Variants in MYO1D observed in about 807,000 individuals in gnomAD.
MYO1D encodes the protein myosin ID.
In MYO1D, 83 loss-of-function variants were observed where a neutral mutation model predicts 122.0. The observed-to-expected ratio is 0.68, with a 90% confidence interval of 0.57 to 0.82. MYO1D has a LOEUF of 0.82. MYO1D is among the 40% of genes least tolerant of loss of function. MYO1D has a pLI of 0.00. For synonymous variants in MYO1D, 464 were observed against 446.9 expected (o/e 1.04, Z -0.48); for missense variants, 1,157 against 1,269.5 (o/e 0.91, Z 1.35).
chr17:32,550,487 T>C (rs769220656), intron 21 of MYO1D, among the ~76,000 whole-genome samples: 9 of 152,180 alleles, frequency 5.9e-5, no homozygotes, highest in Non-Finnish European at 1.0e-4. Context: ...ATCTAACCTG[T>C]TGCAAAGATT....
intron 1 of MYO1D, among the ~76,000 whole-genome samples, chr17:32,864,003 CTTCCTTTTTTTT>C (rs2091100514): frequency 4.0e-5 from 1 of 24,790 alleles, no homozygotes; most frequent in Non-Finnish European, 7.5e-5. Context: ...ACAAACATTT[CTTCCTTTTTTTT>C]TTTTTTTTTT....
At chr17:32,778,716 G>A (rs1272426550) in intron 2 of MYO1D, 143 bp from the exon 3 acceptor site, 1 of 711,046 alleles carries the variant, frequency 1.4e-6, no homozygotes. Flanking sequence ...TTGCTTTTTT[G>A]AGTTATTTCG....
At chr17:32,600,086 T>C (rs1274006477) in intron 21 of MYO1D, among the ~76,000 whole-genome samples, 2 of 152,246 alleles carry the variant, frequency 1.3e-5, no homozygotes, top group Non-Finnish European at 2.9e-5. Flanking sequence ...GTCAGTGCTC[T>C]TGGATAACTA....
At chr17:32,713,617 T>A (rs1466711032) in intron 15 of MYO1D, among the ~76,000 whole-genome samples, 1 of 151,772 alleles carries the variant, frequency 6.6e-6, no homozygotes, top group African/African-American at 2.4e-5. Context: ...ATTTAGTGAG[T>A]TGGAACATTA....
intron 1 of MYO1D, among the ~76,000 whole-genome samples, chr17:32,807,667 G>A (rs2090528759): frequency 6.6e-6 from 1 of 152,224 alleles, no homozygotes; most frequent in South Asian, 2.1e-4. Context: ...AAAAGCTGGT[G>A]TGCACATGCT....
At chr17:32,703,818 G>A (rs1225929310) in intron 16 of MYO1D, among the ~76,000 whole-genome samples, 2 of 152,102 alleles carry the variant, frequency 1.3e-5, no homozygotes, top group Non-Finnish European at 2.9e-5. Flanking sequence ...TTAGTTAAAA[G>A]TTAAAACTAC....
intron 12 of MYO1D, among the ~76,000 whole-genome samples, chr17:32,748,257 G>A (rs761617812): frequency 5.9e-5 from 9 of 152,128 alleles, no homozygotes; most frequent in Admixed American, 5.2e-4. Flanking sequence ...AGCAAAAATG[G>A]TTTTTGCTTA....
intron 19 of MYO1D, among the ~76,000 whole-genome samples, chr17:32,652,874 G>A (rs922976735): frequency 1.2e-4 from 18 of 152,182 alleles, no homozygotes; most frequent in African/African-American, 4.3e-4. Flanking sequence ...GGGCGCGGTG[G>A]CTCACGCCTG....
At chr17:32,599,422 TAA>T (rs1002824457) in intron 21 of MYO1D, among the ~76,000 whole-genome samples, 4 of 152,228 alleles carry the variant, frequency 2.6e-5, no homozygotes, top group African/African-American at 9.6e-5. Flanking sequence ...ACATCTGCAA[TAA>T]CTTCCTCCAA....
intron 2 of MYO1D, 53 bp downstream of exon 2, chr17:32,780,523 A>C: frequency 1.9e-6 from 3 of 1,559,246 alleles, no homozygotes; most frequent in Non-Finnish European, 2.6e-6. Flanking sequence ...TTGAGTATCA[A>C]ACAAATTAAA....
At chr17:32,587,249 C>T (rs1005598448) in intron 21 of MYO1D, among the ~76,000 whole-genome samples, 1 of 152,196 alleles carries the variant, frequency 6.6e-6, no homozygotes, top group African/African-American at 2.4e-5. Context: ...CTGTGGCTCA[C>T]GCCTGTAATT....
chr17:32,586,760 A>C (rs2087389655), intron 21 of MYO1D, among the ~76,000 whole-genome samples: 1 of 152,224 alleles, frequency 6.6e-6, no homozygotes, highest in African/African-American at 2.4e-5. Flanking sequence ...TTGCACAAGG[A>C]AAACCTTTAC....
rs188118567 is a variant in MYO1D, at chr17:32,647,569, A to C, written c.2595+6274T>G. Among the ~76,000 whole-genome samples the C allele has an allele frequency of 2.6e-5, 4 of 152,236 alleles. No homozygotes were observed. The East Asian group carries it at 7.7e-4, about 29-fold the overall frequency. ...CAACTGTCTTTGATCAACTGCTCTG[A>C]TTATTAATTTGATTTTCCAGCTGCT... is the stretch of plus-strand genomic sequence containing the variant. On this transcript the variant is annotated intron_variant, in intron 19 of 21. Coordinates refer to ENST00000318217, the MANE Select transcript of MYO1D (RefSeq NM_015194.3).
At chr17:32,602,468 G>C (rs926573624) in intron 21 of MYO1D, 3 of 152,188 alleles carry the variant, frequency 2.0e-5, no homozygotes, top group African/African-American at 7.2e-5. Flanking sequence ...AGATTTATTA[G>C]GTGGTACCAG....
At chr17:32,569,946 C>A (rs2087207415) in intron 21 of MYO1D, among the ~76,000 whole-genome samples, 1 of 152,140 alleles carries the variant, frequency 6.6e-6, no homozygotes, top group Non-Finnish European at 1.5e-5. Flanking sequence ...TAGAAGAAAC[C>A]ACAGCAGATG....
chr17:32,778,662 T>C (rs1299151930), intron 2 of MYO1D, 89 bp from the exon 3 acceptor site: 1 of 1,153,708 alleles, frequency 8.7e-7, no homozygotes, highest in Admixed American at 2.2e-5. Flanking sequence ...AATCTGATAC[T>C]GGTGATGCAT....
chr17:32,718,111 G>T (rs1490200925), intron 15 of MYO1D, among the ~76,000 whole-genome samples: 2 of 151,960 alleles, frequency 1.3e-5, no homozygotes, highest in African/African-American at 4.8e-5. Flanking sequence ...TTTTAAAAAA[G>T]TTTAGTTTTT....
rs570763370 is a variant in MYO1D, at chr17:32,690,402, T to C, written c.2121+21586A>G. ...GTTGCCCAGGCTGGTCGCGAACTCC[T>C]GAGCTCAGGCAATCTGCCTGACCCG... On this transcript the variant is annotated intron_variant, in intron 16 of 21. Transcript: ENST00000318217. 5.8e-4 allele frequency among the ~76,000 whole-genome samples: 89 copies of C among 152,304 alleles called. 1 individual carries two copies. The highest frequency in any genetic ancestry group is 2.1e-4 in the South Asian group (1 of 4,830).
chr17:32,818,939 T>G, intron 1 of MYO1D, among the ~76,000 whole-genome samples: 1 of 152,298 alleles, frequency 6.6e-6, no homozygotes, highest in African/African-American at 2.4e-5. Context: ...TAAAAGAGAA[T>G]TCTACTAGAG....
Sources: gnomAD v4.1 joint callset for allele counts (sites outside exome capture counted in the v4.1 genomes callset) on GRCh38, gnomAD v4.1.1 for gene constraint, MANE v1.5 for transcripts, NCBI Gene and HGNC (gene_info 2026-07-23, HGNC 2026-07-21) for gene names.